PRKCH: variants seen among roughly 807,000 people sequenced by gnomAD.
PRKCH encodes protein kinase C eta.
In PRKCH, 28 loss-of-function variants were observed where a neutral mutation model predicts 82.5. The observed-to-expected ratio is 0.34, with a 90% CI of 0.25 to 0.47. The LOEUF is 0.47. Ranked by LOEUF, PRKCH falls within the 20% of genes least tolerant of loss-of-function variation. The probability of loss-of-function intolerance (pLI) is 1.00; values close to 1 mark genes in which losing one functional copy is unlikely to be tolerated. For missense variants in PRKCH, 705 were observed against 881.8 expected (o/e 0.80, Z 2.54); for synonymous variants, 322 against 327.4 (o/e 0.98, Z 0.18).
chr14:61,252,059 C>T (rs1199824811), intron 1 of PRKCH, among the ~76,000 whole-genome samples: 4 of 152,082 alleles, frequency 2.6e-5, no homozygotes, highest in South Asian at 2.1e-4. Flanking sequence ...AGGCTGGTCG[C>T]GAACTCCTGA....
chr14:61,190,076 T>G (rs182366706), intron 1 of PRKCH, among the ~76,000 whole-genome samples: 1 of 152,232 alleles, frequency 6.6e-6, no homozygotes, highest in Non-Finnish European at 1.5e-5. Flanking sequence ...CTTCTTTATC[T>G]GCAAAACAGA....
At chr14:61,330,875 G>T (rs942323704) in intron 1 of PRKCH, among the ~76,000 whole-genome samples, 1 of 152,114 alleles carries the variant, frequency 6.6e-6, no homozygotes, top group African/African-American at 2.4e-5. Flanking sequence ...CAATCTTTTG[G>T]CTTCCCTGGG....
At chr14:61,408,920 A>G (rs1261165662) in intron 2 of PRKCH, among the ~76,000 whole-genome samples, 2 of 152,224 alleles carry the variant, frequency 1.3e-5, no homozygotes, top group Non-Finnish European at 2.9e-5. Context: ...GCTATCAACT[A>G]TAAAGCTGTG....
chr14:61,320,456 G>C (rs899751594), upstream of PRKCH, among the ~76,000 whole-genome samples: 1 of 152,090 alleles, frequency 6.6e-6, no homozygotes, highest in Non-Finnish European at 1.5e-5. Context: ...AAAATTAGCC[G>C]GGCGTGGTGG....
intron 1 of PRKCH, among the ~76,000 whole-genome samples, chr14:61,216,134 T>C (rs1261511490): frequency 6.6e-6 from 1 of 152,178 alleles, no homozygotes; most frequent in African/African-American, 2.4e-5. Context: ...AGCCACCTTT[T>C]GCTGTCAGGT....
intron 1 of PRKCH, among the ~76,000 whole-genome samples, chr14:61,356,822 C>T (rs1230226995): frequency 6.6e-6 from 1 of 152,128 alleles, no homozygotes; most frequent in East Asian, 1.9e-4. Context: ...GGTGGGATGA[C>T]AGGCACCTAC....
chr14:61,202,842 T>C (rs978680914), intron 1 of PRKCH, among the ~76,000 whole-genome samples: 19 of 152,132 alleles, frequency 1.2e-4, no homozygotes, highest in African/African-American at 4.6e-4. Context: ...TGTCATACAT[T>C]TGTTATATTG....
intron 1 of PRKCH, among the ~76,000 whole-genome samples, chr14:61,289,596 A>G (rs2045343374): frequency 6.6e-6 from 1 of 152,196 alleles, no homozygotes. Flanking sequence ...GGTCTCAGCT[A>G]CTCAGGAGGC....
intron 3 of PRKCH, 39 bp from the exon 4 acceptor site, chr14:61,445,653 G>A: frequency 5.1e-6 from 8 of 1,578,494 alleles, no homozygotes; most frequent in Non-Finnish European, 7.0e-6. Context: ...GGTTATTGCT[G>A]AAATACTTGA....
At chr14:61,547,564 C>T (rs934476260) in intron 12 of PRKCH, among the ~76,000 whole-genome samples, 179 bp from the exon 13 acceptor site, 12 of 152,250 alleles carry the variant, frequency 7.9e-5, no homozygotes, top group Non-Finnish European at 8.8e-5. Context: ...CACAGGCAAT[C>T]GCGCCTTTAA....
In PRKCH at chr14:61,321,839, T is replaced by G; in HGVS notation, c.-263T>G. On this transcript the variant is annotated 5_prime_UTR_variant, in exon 1 of 14. Coordinates refer to ENST00000332981, the MANE Select transcript of PRKCH (RefSeq NM_006255.5). The surrounding 1 kb of genome is among the most constrained non-coding windows in gnomAD (Gnocchi z 4.1). ...GAGTCCCCGGGAGGCGCCGCGCGCT[T>G]GGAAGGGACGGTCGGGCTTCCCCGG... The G allele has an allele frequency of 2.8e-6, 1 of 360,820 alleles. No individual in the cohort carries two copies. Among genetic ancestry groups the G allele is most frequent in the Non-Finnish European group, 5.1e-6 (1 of 194,712 alleles). 22.4% of individuals were successfully genotyped at this position (360,820 alleles called of 1,614,324 possible).
intron 1 of PRKCH, among the ~76,000 whole-genome samples, chr14:61,385,074 G>A (rs748192430): frequency 1.3e-5 from 2 of 152,028 alleles, no homozygotes; most frequent in Non-Finnish European, 2.9e-5. Context: ...GGGCCCAGGA[G>A]TTGTTCTTTT....
In PRKCH at chr14:61,445,696, G is replaced by A; in HGVS notation, c.583G>A (p.Val195Met). 1.2e-6 allele frequency: 2 copies of A among 1,609,762 alleles called. No homozygotes were observed. The highest frequency in any genetic ancestry group is 1.7e-6 in the Non-Finnish European group (2 of 1,176,040). The change falls in exon 4 of 14, where the codon GTG becomes ATG. Residue 195 changes from valine (V) to methionine (M), a missense_variant. Val to Met is a conservative substitution (Grantham distance 21). Around this residue, in one of 5 missense-constraint regions of PRKCH, gnomAD observed 246 missense variants for 308.0 expected, o/e 0.80. Coordinates refer to ENST00000332981, the MANE Select transcript of PRKCH (RefSeq NM_006255.5). ...TAGTTTTCTTCTCTTCAACAGGGGA[G>A]TGTTTGGGAAACAGGGTTATCAGTG... ...CSHCREFIWG[V>M]FGKQGYQCQV... is the part of the protein sequence containing the mutation.
At chr14:61,543,932 T>C (rs1222265439) in intron 12 of PRKCH, 1 of 152,270 alleles carries the variant, frequency 6.6e-6, no homozygotes, top group Non-Finnish European at 1.5e-5. Context: ...TAATGTTAAA[T>C]GTTCCCTTAA....
intron 1 of PRKCH, among the ~76,000 whole-genome samples, chr14:61,209,156 T>G (rs1323808111): frequency 2.6e-5 from 4 of 152,258 alleles, no homozygotes; most frequent in African/African-American, 9.6e-5. Flanking sequence ...CATGGGATGA[T>G]GTAGCCCAAA....
intron 9 of PRKCH, among the ~76,000 whole-genome samples, chr14:61,466,204 AATTTG>A (rs1360907949): frequency 1.3e-5 from 2 of 152,194 alleles, no homozygotes; most frequent in Non-Finnish European, 2.9e-5. Flanking sequence ...CTATTTACCA[AATTTG>A]GTAATAGGAT....
At chr14:61,499,006 C>T (rs1025295500) in intron 10 of PRKCH, among the ~76,000 whole-genome samples, 2 of 152,102 alleles carry the variant, frequency 1.3e-5, no homozygotes, top group Non-Finnish European at 2.9e-5. Context: ...CAGTGGAACA[C>T]ACAGTAGACA....
intron 2 of PRKCH, chr14:61,442,770 A>T (rs970853459): frequency 1.9e-5 from 3 of 156,758 alleles, no homozygotes; most frequent in East Asian, 1.8e-4. Context: ...CATCTCTATT[A>T]AAAAAAAATT....
chr14:61,382,442 C>T (rs543518161), intron 1 of PRKCH, among the ~76,000 whole-genome samples: 1 of 149,158 alleles, frequency 6.7e-6, no homozygotes, highest in Non-Finnish European at 1.5e-5. Flanking sequence ...AACAAAAAAA[C>T]AAAAACAAAC....
Sources: gnomAD v4.1 joint callset for allele counts (sites outside exome capture counted in the v4.1 genomes callset) on GRCh38, gnomAD v4.1.1 for gene constraint, gnomAD v4.1.1 regional missense constraint, Gnocchi (gnomAD v3.1) non-coding constraint, MANE v1.5 for transcripts, NCBI Gene and HGNC (gene_info 2026-07-23, HGNC 2026-07-21) for gene names.